NXPE2: variants seen among roughly 807,000 people sequenced by gnomAD.
The protein encoded by NXPE2 is neurexophilin and PC-esterase domain family member 2.
A neutral mutation model predicts 34.4 loss-of-function variants in NXPE2; 34 were observed. That is an observed-to-expected ratio of 0.99 (90% CI 0.75 to 1.31). The LOEUF (loss-of-function observed/expected upper bound fraction) is 1.31, where lower values mean the gene tolerates loss of function less well. Ranked by LOEUF, NXPE2 falls within the 40% of genes most tolerant of loss-of-function variation. The pLI is 0.00. For synonymous variants in NXPE2, 235 were observed against 231.3 expected (o/e 1.02, Z -0.15); for missense variants, 649 against 672.5 (o/e 0.97, Z 0.39).
At chr11:114,601,658 A>AT in the NXPE2 span, among the ~76,000 whole-genome samples, 19 of 41,618 alleles carry the variant, frequency 4.6e-4, no homozygotes, top group African/African-American at 2.0e-3. Context: ...TATATATTAT[A>AT]AATAATTATA....
At chr11:114,747,865 A>T in the NXPE2 span, among the ~76,000 whole-genome samples, 1 of 152,224 alleles carries the variant, frequency 6.6e-6, no homozygotes, top group East Asian at 1.9e-4. Flanking sequence ...TTTTTCAAGA[A>T]TATGATATAT....
the NXPE2 span, chr11:114,530,489 C>A: frequency 6.2e-7 from 1 of 1,613,968 alleles, no homozygotes; most frequent in Non-Finnish European, 8.5e-7. Flanking sequence ...AGACCTGGCC[C>A]TCCCAGAACA....
the NXPE2 span, among the ~76,000 whole-genome samples, chr11:114,660,893 A>G: frequency 6.6e-6 from 1 of 152,170 alleles, no homozygotes; most frequent in African/African-American, 2.4e-5. Context: ...TGTCAGCAAG[A>G]TTATAAGGTT....
At chr11:114,740,477 T>A in the NXPE2 span, among the ~76,000 whole-genome samples, 111 of 152,330 alleles carry the variant, frequency 7.3e-4, no homozygotes, top group Admixed American at 1.4e-3. Context: ...TTTGTATATA[T>A]ACCCAGAAGT....
chr11:114,537,889 T>A, the NXPE2 span, among the ~76,000 whole-genome samples: 1 of 152,072 alleles, frequency 6.6e-6, no homozygotes, highest in Non-Finnish European at 1.5e-5. Flanking sequence ...GCCATCCCCA[T>A]CAAGCTACCA....
At chr11:114,632,321 C>A in the NXPE2 span, among the ~76,000 whole-genome samples, 1 of 132,934 alleles carries the variant, frequency 7.5e-6, no homozygotes, top group South Asian at 2.2e-4. Context: ...TACTTATTAT[C>A]CACTGGGTAA....
the NXPE2 span, among the ~76,000 whole-genome samples, chr11:114,647,015 T>C: frequency 3.3e-5 from 5 of 152,300 alleles, no homozygotes; most frequent in East Asian, 9.6e-4. Flanking sequence ...CGGCACACCT[T>C]CAAAGGTGAG....
the NXPE2 span, among the ~76,000 whole-genome samples, chr11:114,737,950 G>T: frequency 2.0e-5 from 3 of 152,182 alleles, no homozygotes; most frequent in Non-Finnish European, 2.9e-5. Flanking sequence ...TGCCGGGCGT[G>T]GTGGTGCTGG....
At chr11:114,610,505 T>C in the NXPE2 span, among the ~76,000 whole-genome samples, 1 of 151,896 alleles carries the variant, frequency 6.6e-6, no homozygotes, top group African/African-American at 2.4e-5. Flanking sequence ...TAATAAGTGT[T>C]GCCTCATGTG....
chr11:114,692,765 T>G (rs1344128521), intron 2 of NXPE2, among the ~76,000 whole-genome samples: 1 of 152,204 alleles, frequency 6.6e-6, no homozygotes, highest in Non-Finnish European at 1.5e-5. Flanking sequence ...TACTAGCTAA[T>G]TTATTCAAAA....
chr11:114,622,536 C>A, the NXPE2 span, among the ~76,000 whole-genome samples: 1 of 152,034 alleles, frequency 6.6e-6, no homozygotes, highest in East Asian at 1.9e-4. Context: ...ACCACTGTTA[C>A]CCTGTGGATA....
chr11:114,596,205 A>G, the NXPE2 span, among the ~76,000 whole-genome samples: 1 of 152,212 alleles, frequency 6.6e-6, no homozygotes, highest in Admixed American at 6.5e-5. Context: ...AAGAACTTCA[A>G]ATATAACATA....
chr11:114,514,496 C>G, the NXPE2 span, among the ~76,000 whole-genome samples: 4 of 152,138 alleles, frequency 2.6e-5, no homozygotes, highest in Admixed American at 2.6e-4. Flanking sequence ...CTCAAGTGAC[C>G]TCCTGCCTTA....
chr11:114,776,412 G>T, the NXPE2 span, among the ~76,000 whole-genome samples: 3 of 152,280 alleles, frequency 2.0e-5, no homozygotes, highest in African/African-American at 7.2e-5. Context: ...GCCTTGCCTT[G>T]CGTGAAGCGC....
At chr11:114,469,314 C>T in the NXPE2 span, among the ~76,000 whole-genome samples, 10 of 151,274 alleles carry the variant, frequency 6.6e-5, no homozygotes, top group African/African-American at 1.9e-4. Context: ...GGGGTTTCAC[C>T]GTGTTAGCCA....
the NXPE2 span, among the ~76,000 whole-genome samples, chr11:114,538,353 C>G: frequency 6.6e-6 from 1 of 152,176 alleles, no homozygotes; most frequent in East Asian, 1.9e-4. Context: ...CAGTACCATT[C>G]AGGCCATAGG....
the NXPE2 span, among the ~76,000 whole-genome samples, chr11:114,543,183 C>G: frequency 6.6e-6 from 1 of 151,972 alleles, no homozygotes; most frequent in Non-Finnish European, 1.5e-5. Context: ...TGGTGAAACT[C>G]TGTGTTTACT....
chr11:114,549,274 A>G, the NXPE2 span, among the ~76,000 whole-genome samples: 1 of 152,076 alleles, frequency 6.6e-6, no homozygotes, highest in Admixed American at 6.6e-5. Flanking sequence ...ATTCTTACGA[A>G]ATAAGTATAA....
chr11:114,625,581 G>T, the NXPE2 span, among the ~76,000 whole-genome samples: 1 of 152,206 alleles, frequency 6.6e-6, no homozygotes, highest in Non-Finnish European at 1.5e-5. Flanking sequence ...TGCCTCGTGG[G>T]TAACCACTGT....
Sources: gnomAD v4.1 joint callset for allele counts (sites outside exome capture counted in the v4.1 genomes callset) on GRCh38, gnomAD v4.1.1 for gene constraint, MANE v1.5 for transcripts, NCBI Gene and HGNC (gene_info 2026-07-23, HGNC 2026-07-21) for gene names.